The following ADCY8 variants were observed in gnomAD, a reference collection of about 807,000 sequenced individuals.
ADCY8 encodes adenylate cyclase type 8.
A neutral mutation model predicts 119.7 loss-of-function variants in ADCY8; 51 were observed. That is an observed-to-expected ratio of 0.43 (90% CI 0.34 to 0.54). The LOEUF is 0.54. ADCY8 is among the 20% of genes least tolerant of loss of function. The pLI is 0.03. For missense variants in ADCY8, 1,383 were observed against 1,598.8 expected, an observed-to-expected ratio of 0.87 and a Z score of 2.30; for synonymous variants, 665 against 651.0, an observed-to-expected ratio of 1.02 and a Z score of -0.33.
At chr8:130,857,236 T>TAA (rs33915228) in intron 9 of ADCY8, among the ~76,000 whole-genome samples, 1 of 394 alleles carries the variant, frequency 2.5e-3, no homozygotes, top group Non-Finnish European at 5.6e-3. Context: ...AAACTTAAAG[T>TAA]AATAATAAAA....
At chr8:131,036,515 C>T (rs1450026837) in intron 1 of ADCY8, among the ~76,000 whole-genome samples, 4 of 152,082 alleles carry the variant, frequency 2.6e-5, no homozygotes, top group African/African-American at 9.7e-5. Flanking sequence ...TTTCTACAGG[C>T]CGAGGATAAA....
intron 9 of ADCY8, among the ~76,000 whole-genome samples, chr8:130,866,492 C>T (rs1001438462): frequency 6.6e-6 from 1 of 152,180 alleles, no homozygotes; most frequent in African/African-American, 2.4e-5. Flanking sequence ...TATTCTTGCA[C>T]AAGCCCTTTG....
intron 9 of ADCY8, among the ~76,000 whole-genome samples, chr8:130,853,092 G>A (rs1005051779): frequency 4.6e-5 from 7 of 152,160 alleles, no homozygotes; most frequent in Non-Finnish European, 7.4e-5. Context: ...AGAAACTATC[G>A]GGGGTGCTCA....
At chr8:130,781,084 T>A (rs576182540) in intron 17 of ADCY8, among the ~76,000 whole-genome samples, 2 of 152,116 alleles carry the variant, frequency 1.3e-5, no homozygotes, top group Non-Finnish European at 2.9e-5. Flanking sequence ...ATCAGTAGAA[T>A]GGAAATAATT....
intron 14 of ADCY8, among the ~76,000 whole-genome samples, chr8:130,808,782 A>C (rs1816065470): frequency 6.6e-6 from 1 of 152,178 alleles, no homozygotes; most frequent in Non-Finnish European, 1.5e-5. Context: ...TGGACTCCAA[A>C]GAGTTGGGTA....
intron 3 of ADCY8, among the ~76,000 whole-genome samples, chr8:130,951,565 TTTC>T (rs1335372199): frequency 6.6e-6 from 1 of 152,168 alleles, no homozygotes; most frequent in African/African-American, 2.4e-5. Flanking sequence ...TGGGATTATT[TTTC>T]TTATCATAGT....
chr8:130,781,455 T>C (rs3793387), intron 17 of ADCY8, among the ~76,000 whole-genome samples: 94,300 of 152,100 alleles, frequency 0.62, 30,244 homozygotes, highest in African/African-American at 0.76. Flanking sequence ...TCAAGTTGCA[T>C]ATCTGATCAA....
At chr8:130,834,380 CAAAT>C (rs985303457) in intron 12 of ADCY8, among the ~76,000 whole-genome samples, 2 of 152,096 alleles carry the variant, frequency 1.3e-5, no homozygotes, top group African/African-American at 4.8e-5. Flanking sequence ...CTCAACCAAA[CAAAT>C]ATTTTAAAAA....
chr8:130,852,131 G>A (rs1159400996), intron 9 of ADCY8, among the ~76,000 whole-genome samples: 3 of 152,186 alleles, frequency 2.0e-5, no homozygotes, highest in Middle Eastern at 3.2e-3. Context: ...CATCATGGCA[G>A]CAGGGGGGAT....
intron 7 of ADCY8, among the ~76,000 whole-genome samples, chr8:130,901,671 A>G (rs750296563): frequency 6.6e-6 from 1 of 152,178 alleles, no homozygotes; most frequent in Non-Finnish European, 1.5e-5. Context: ...AATACTTGTG[A>G]CGGTTTTAAT....
intron 7 of ADCY8, 88 bp from the exon 8 acceptor site, chr8:130,884,849 T>A: frequency 7.9e-7 from 1 of 1,260,056 alleles, no homozygotes; most frequent in Non-Finnish European, 1.2e-6. Flanking sequence ...CATGTTGCAT[T>A]GCAAACAGTA....
At chr8:130,891,944 C>CT (rs1335740888) in intron 7 of ADCY8, 5 of 152,102 alleles carry the variant, frequency 3.3e-5, no homozygotes, top group African/African-American at 1.2e-4. Context: ...CTGTTTGATG[C>CT]TTTTTTAGTT....
chr8:130,970,775 G>T (rs1248497739), intron 2 of ADCY8, among the ~76,000 whole-genome samples: 1 of 152,150 alleles, frequency 6.6e-6, no homozygotes, highest in South Asian at 2.1e-4. Flanking sequence ...CTCACTTCTG[G>T]TTGCAGAATG....
chr8:130,948,645 T>TAAAAAA (rs34700138), intron 3 of ADCY8, among the ~76,000 whole-genome samples: 1 of 91,186 alleles, frequency 1.1e-5, no homozygotes, highest in Non-Finnish European at 2.7e-5. Flanking sequence ...TCTTCAAAAT[T>TAAAAAA]AAAAAAAAAA....
intron 14 of ADCY8, among the ~76,000 whole-genome samples, chr8:130,804,901 C>T (rs1586430002): frequency 1.3e-5 from 2 of 152,176 alleles, no homozygotes; most frequent in East Asian, 1.9e-4. Context: ...CGCCTGCCAT[C>T]ATACCAGGCT....
intron 9 of ADCY8, among the ~76,000 whole-genome samples, chr8:130,860,471 T>C (rs1044210415): frequency 9.2e-5 from 14 of 152,206 alleles, no homozygotes; most frequent in Admixed American, 8.5e-4. Flanking sequence ...TTAAAACTCA[T>C]CACCAAATTC....
intron 5 of ADCY8, among the ~76,000 whole-genome samples, chr8:130,930,865 G>C (rs890037796): frequency 6.6e-6 from 1 of 151,976 alleles, no homozygotes; most frequent in Non-Finnish European, 1.5e-5. Flanking sequence ...AGTTTGAAAA[G>C]TTTTCTGCTA....
chr8:130,943,497 G>GGGGGGGGGCCCC, intron 3 of ADCY8, 35 bp from the exon 4 acceptor site: 11 of 491,328 alleles, frequency 2.2e-5, no homozygotes, highest in East Asian at 5.4e-5. Flanking sequence ...GTGGGGGGAG[G>GGGGGGGGGCCCC]AAGTATATTA....
chr8:130,958,298 T>C (rs566605985), intron 2 of ADCY8, among the ~76,000 whole-genome samples: 2 of 152,308 alleles, frequency 1.3e-5, no homozygotes, highest in African/African-American at 4.8e-5. Flanking sequence ...TTGTAAATAA[T>C]TGTAGAAAAT....
Sources: gnomAD v4.1 joint callset for allele counts (sites outside exome capture counted in the v4.1 genomes callset) on GRCh38, gnomAD v4.1.1 for gene constraint, MANE v1.5 for transcripts, NCBI Gene and HGNC (gene_info 2026-07-23, HGNC 2026-07-21) for gene names.